The following CCDC6 variants were observed in gnomAD, a reference collection of about 807,000 sequenced individuals.
The protein encoded by CCDC6 is coiled-coil domain-containing protein 6.
In CCDC6, 20 loss-of-function variants were observed where a neutral mutation model predicts 56.6. The ratio of observed to expected loss-of-function variants is 0.35; its 90% CI spans 0.25 to 0.51. CCDC6 has a LOEUF of 0.51. CCDC6 is among the 20% of genes least tolerant of loss of function. CCDC6 has a pLI of 0.95. For synonymous variants in CCDC6, 241 were observed against 234.4 expected, an observed-to-expected ratio of 1.03 and a Z score of -0.26; for missense variants, 367 against 601.1, an observed-to-expected ratio of 0.61 and a Z score of 4.07.
chr10:59,835,285 T>C (rs2070872262), intron 2 of CCDC6, among the ~76,000 whole-genome samples: 1 of 152,208 alleles, frequency 6.6e-6, no homozygotes, highest in Admixed American at 6.5e-5. Flanking sequence ...AAGCAGCGTT[T>C]GTCATAGAAT....
intron 4 of CCDC6, among the ~76,000 whole-genome samples, chr10:59,813,677 T>C (rs745775874): frequency 1.3e-5 from 2 of 152,232 alleles, no homozygotes; most frequent in Non-Finnish European, 2.9e-5. Flanking sequence ...GTGTGTTAAA[T>C]ATTATAATGG....
intron 8 of CCDC6, 146 bp downstream of exon 8, chr10:59,794,327 G>GT (rs2070494536): frequency 1.3e-6 from 1 of 751,166 alleles, no homozygotes; most frequent in Non-Finnish European, 2.1e-6. Context: ...GTATCAAACT[G>GT]TTTAAGTCTC....
At chr10:59,885,120 G>A (rs933930245) in intron 1 of CCDC6, among the ~76,000 whole-genome samples, 6 of 151,798 alleles carry the variant, frequency 4.0e-5, no homozygotes, top group Non-Finnish European at 7.4e-5. Flanking sequence ...GAAAAGAAAA[G>A]GAGAAAAGGA....
chr10:59,903,672 C>T (rs536485124), intron 1 of CCDC6, among the ~76,000 whole-genome samples: 1 of 152,276 alleles, frequency 6.6e-6, no homozygotes, highest in East Asian at 1.9e-4. Context: ...ACCATCTTCC[C>T]TTCAAATTAA....
At chr10:59,887,481 TAA>T (rs60170273) in intron 1 of CCDC6, among the ~76,000 whole-genome samples, 228 of 136,530 alleles carry the variant, frequency 1.7e-3, no homozygotes, top group African/African-American at 4.9e-3. Context: ...ATGCAACTGT[TAA>T]AAAAAAAAAA....
At chr10:59,835,099 T>C (rs193041203) in intron 2 of CCDC6, among the ~76,000 whole-genome samples, 126 of 152,380 alleles carry the variant, frequency 8.3e-4, no homozygotes, top group African/African-American at 3.0e-3. Flanking sequence ...TTAAAACCTT[T>C]AAACTATTTG....
Position 59,797,752 on chromosome 10 carries a change from C to CT in CCDC6, c.1106-3156dup, listed in dbSNP as rs542813486. Among the ~76,000 whole-genome samples, 158 of 150,960 alleles carry CT rather than the reference C, an allele frequency of 1.0e-3. 1 individual carries two copies. Among genetic ancestry groups the CT allele is most frequent in the Non-Finnish European group, 1.8e-3 (119 of 67,810 alleles). ...AACAAAACCACTGGGAATATCACGA[C>CT]TTGAGAATATTCAATACAAGGAATG... On this transcript the variant is annotated intron_variant, in intron 7 of 8. Transcript: ENST00000263102.
At chr10:59,869,785 C>T (rs2071212170) in intron 1 of CCDC6, among the ~76,000 whole-genome samples, 1 of 152,144 alleles carries the variant, frequency 6.6e-6, no homozygotes, top group African/African-American at 2.4e-5. Context: ...ATAGTGATTC[C>T]TTGCCCTGGA....
At chr10:59,895,927 T>C (rs921284758) in intron 1 of CCDC6, among the ~76,000 whole-genome samples, 4 of 152,198 alleles carry the variant, frequency 2.6e-5, no homozygotes, top group East Asian at 1.9e-4. Context: ...ACCATGTCTA[T>C]GTGATGAGCC....
intron 1 of CCDC6, among the ~76,000 whole-genome samples, chr10:59,869,412 A>C (rs1344945649): frequency 1.2e-4 from 11 of 92,198 alleles, no homozygotes; most frequent in Middle Eastern, 5.2e-3. Flanking sequence ...AAAAAAAAAA[A>C]AAAAAAACAG....
intron 1 of CCDC6, among the ~76,000 whole-genome samples, chr10:59,903,295 G>A (rs913744405): frequency 6.6e-6 from 1 of 152,166 alleles, no homozygotes; most frequent in Non-Finnish European, 1.5e-5. Context: ...GACTTTGGGT[G>A]ATAATGATGT....
At chr10:59,881,070 G>T (rs991632273) in intron 1 of CCDC6, among the ~76,000 whole-genome samples, 4 of 151,982 alleles carry the variant, frequency 2.6e-5, no homozygotes, top group Non-Finnish European at 5.9e-5. Flanking sequence ...CTTCAGCCCC[G>T]CCCAGCAGGT....
At chr10:59,835,070 G>C (rs146019857) in intron 2 of CCDC6, among the ~76,000 whole-genome samples, 1 of 152,346 alleles carries the variant, frequency 6.6e-6, no homozygotes, top group African/African-American at 2.4e-5. Flanking sequence ...TAGTTATTGA[G>C]AGATGATAAG....
chr10:59,869,608 A>G (rs2071210640), intron 1 of CCDC6, among the ~76,000 whole-genome samples: 1 of 151,806 alleles, frequency 6.6e-6, no homozygotes, highest in African/African-American at 2.4e-5. Flanking sequence ...AGCCACTATC[A>G]TTCCTCATCA....
At chr10:59,858,186 C>A (rs1054051680) in intron 1 of CCDC6, among the ~76,000 whole-genome samples, 1 of 152,150 alleles carries the variant, frequency 6.6e-6, no homozygotes, top group African/African-American at 2.4e-5. Context: ...TTTATTTTTT[C>A]TATTAGAAGA....
At chr10:59,890,662 C>A (rs186069893) in intron 1 of CCDC6, among the ~76,000 whole-genome samples, 19 of 152,080 alleles carry the variant, frequency 1.2e-4, no homozygotes, top group Non-Finnish European at 2.8e-4. Context: ...GCTAAATTGC[C>A]CCAGGTTCAC....
intron 1 of CCDC6, among the ~76,000 whole-genome samples, chr10:59,855,551 G>C (rs1249423540): frequency 6.6e-6 from 1 of 152,220 alleles, no homozygotes; most frequent in Non-Finnish European, 1.5e-5. Flanking sequence ...GTGTGACAGA[G>C]TGAGACTCTG....
At chr10:59,903,880 C>A (rs1404277225) in intron 1 of CCDC6, among the ~76,000 whole-genome samples, 3 of 152,224 alleles carry the variant, frequency 2.0e-5, no homozygotes, top group Non-Finnish European at 2.9e-5. Flanking sequence ...TCTCCTCCCG[C>A]ATTACATACC....
intron 1 of CCDC6, among the ~76,000 whole-genome samples, chr10:59,866,685 A>C (rs1030747050): frequency 1.4e-4 from 22 of 152,266 alleles, no homozygotes; most frequent in Non-Finnish European, 2.4e-4. Context: ...TCAGCTACAA[A>C]GTTATGAGGG....
Sources: gnomAD v4.1 joint callset for allele counts (sites outside exome capture counted in the v4.1 genomes callset) on GRCh38, gnomAD v4.1.1 for gene constraint, MANE v1.5 for transcripts, NCBI Gene and HGNC (gene_info 2026-07-23, HGNC 2026-07-21) for gene names.